GLI3: variants seen among roughly 807,000 people sequenced by gnomAD.
GLI3 encodes the protein GLI family zinc finger 3.
Under a neutral mutation model 100.8 loss-of-function variants are expected in GLI3, and 20 were observed. The ratio of observed to expected loss-of-function variants is 0.20; its 90% CI spans 0.14 to 0.29. The LOEUF is 0.29. GLI3 is among the 10% of genes least tolerant of loss of function. GLI3 has a pLI of 1.00. For missense variants in GLI3, 2,040 were observed against 2,128.5 expected (o/e 0.96, Z 0.82); for synonymous variants, 938 against 860.5 (o/e 1.09, Z -1.58).
chr7:42,184,135 G>A (rs191970998), intron 2 of GLI3, among the ~76,000 whole-genome samples: 3 of 152,318 alleles, frequency 2.0e-5, no homozygotes, highest in Admixed American at 6.5e-5. Context: ...TCTCTAGGAG[G>A]TGCCCTCTCT....
rs1421975395 is a variant in GLI3 at position 41,964,218 on chromosome 7, A to G, written c.*112T>C. ...AATTGAAACACATCTCAGTTAGGTG[A>G]GATGAGATTGCTAAAATACATACAG... On this transcript the variant is annotated 3_prime_UTR_variant, in exon 15 of 15. Transcript: ENST00000395925. The G allele has an allele frequency of 4.8e-6, 4 of 828,380 alleles. No individual in the cohort carries two copies. The highest frequency in any genetic ancestry group is 1.7e-5 in the African/African-American group (1 of 59,022). 51.3% of individuals were successfully genotyped at this position (828,380 alleles called of 1,614,324 possible).
intron 3 of GLI3, among the ~76,000 whole-genome samples, chr7:42,081,371 C>G (rs1015131621): frequency 6.6e-6 from 1 of 152,202 alleles, no homozygotes; most frequent in Non-Finnish European, 1.5e-5. Flanking sequence ...TTACACTAAA[C>G]AGAGATTTGA....
intron 3 of GLI3, among the ~76,000 whole-genome samples, chr7:42,108,160 G>A (rs567166163): frequency 1.1e-4 from 16 of 152,294 alleles, no homozygotes; most frequent in African/African-American, 3.8e-4. Flanking sequence ...TCCTCCAGAT[G>A]CTTCCAAGGA....
chr7:42,157,753 C>T (rs1239259066), intron 2 of GLI3, among the ~76,000 whole-genome samples: 2 of 151,946 alleles, frequency 1.3e-5, no homozygotes, highest in Non-Finnish European at 2.9e-5. Context: ...CTATAATTAT[C>T]TAAAGAAGTT....
At chr7:42,063,381 A>T (rs1477774985) in intron 4 of GLI3, among the ~76,000 whole-genome samples, 2 of 152,172 alleles carry the variant, frequency 1.3e-5, no homozygotes, top group East Asian at 1.9e-4. Context: ...GATACCACTA[A>T]AAAAAGATAA....
chr7:42,237,484 G>A (rs1788834044), upstream of GLI3, among the ~76,000 whole-genome samples: 1 of 151,604 alleles, frequency 6.6e-6, no homozygotes, highest in Non-Finnish European at 1.5e-5. Context: ...ACCTGGCACC[G>A]CCTGCACTAC....
chr7:42,197,185 G>A (rs1219090771), intron 2 of GLI3, among the ~76,000 whole-genome samples: 2 of 152,182 alleles, frequency 1.3e-5, no homozygotes, highest in Non-Finnish European at 2.9e-5. Context: ...ACGTCATCAA[G>A]TTTAATCGGC....
In GLI3 at chr7:42,251,319, A is replaced by G. The variant is rs538810635; in HGVS notation, c.-43+12675T>C. Among the ~76,000 whole-genome samples, 176 of 152,326 alleles carry G rather than the reference A, an allele frequency of 1.2e-3. 2 individuals are homozygous for G. Among genetic ancestry groups the G allele is most frequent in the African/African-American group, 4.0e-3 (168 of 41,566 alleles). On this transcript the variant is annotated intron_variant, in intron 1 of 2. Transcript: ENST00000678978. ...GGCATTAGATTCTCACAAGCAGCACACAACCTAGATCCCTTGCAAACACAG... is the reference window on the plus strand; with the variant it reads ...GGCATTAGATTCTCACAAGCAGCACGCAACCTAGATCCCTTGCAAACACAG...
rs778860292 is a variant in GLI3, at chr7:41,972,550, T to C, written c.1890A>G (p.Thr630=). ...DPSSLRKHVK[T]VHGPEAHVTK... is the part of the protein sequence containing the mutation. ...TGACATGAGCCTCTGGGCCATGCAC[T>C]GTCTTCACATGTTTCCGGAGGGAGC... The change falls in exon 13 of 15, where the codon ACA becomes ACG. Residue 630 remains threonine, a synonymous_variant. Coordinates refer to ENST00000395925, the MANE Select transcript of GLI3 (RefSeq NM_000168.6). The surrounding 1 kb of genome is among the most constrained non-coding windows in gnomAD (Gnocchi z 4.4). 6.2e-7 allele frequency: 1 copy of C among 1,612,350 alleles called. No individual in the cohort carries two copies. The highest frequency in any genetic ancestry group is 8.5e-7 in the Non-Finnish European group (1 of 1,179,894).
In GLI3 at chr7:41,961,135, C is replaced by CT. The variant is rs1444662081; in HGVS notation, c.*3194dup. On this transcript the variant is annotated 3_prime_UTR_variant, in exon 15 of 15. Coordinates refer to ENST00000395925, the MANE Select transcript of GLI3 (RefSeq NM_000168.6). ...CGAGGAACGCCTGGGCCAGTCACAT[C>CT]TGAACGCTATGCCTACAATACTTAA... 1 of 152,530 alleles carries CT rather than the reference C, an allele frequency of 6.6e-6. No individual in the cohort carries two copies. The highest frequency in any genetic ancestry group is 1.5e-5 in the Non-Finnish European group (1 of 68,034). The allele number at this position is 152,530 out of a possible 1,614,324, so 9.4% of individuals were successfully genotyped here. A position where few individuals can be genotyped will look rare whatever the true frequency, so the allele number is the denominator to read the frequency against.
At chr7:42,158,954 C>T (rs1787068371) in intron 2 of GLI3, among the ~76,000 whole-genome samples, 1 of 152,166 alleles carries the variant, frequency 6.6e-6, no homozygotes, top group South Asian at 2.1e-4. Flanking sequence ...CATTCTACTT[C>T]TGTTGTCGCT....
At chr7:42,252,347 G>A (rs2128710536) in intron 1 of GLI3, among the ~76,000 whole-genome samples, 1 of 152,280 alleles carries the variant, frequency 6.6e-6, no homozygotes, top group Admixed American at 6.5e-5. Context: ...ACTTGAGGGT[G>A]TTGGGCGGGA....
chr7:42,170,153 G>A (rs925617937), intron 2 of GLI3, among the ~76,000 whole-genome samples: 1 of 150,524 alleles, frequency 6.6e-6, no homozygotes, highest in African/African-American at 2.4e-5. Context: ...TCAGGAGGCT[G>A]AGGCACGAGA....
chr7:42,237,556 C>T (rs1203492945), upstream of GLI3, among the ~76,000 whole-genome samples: 1 of 151,830 alleles, frequency 6.6e-6, no homozygotes, highest in African/African-American at 2.4e-5. Context: ...CCCTCCTTCC[C>T]TTCTCTCCTC....
chr7:42,077,182 G>A (rs1207985389), intron 3 of GLI3, among the ~76,000 whole-genome samples: 1 of 152,106 alleles, frequency 6.6e-6, no homozygotes. Flanking sequence ...GCTGAAGGGA[G>A]CCACAAAGCC....
intron 3 of GLI3, among the ~76,000 whole-genome samples, chr7:42,132,322 G>A (rs747139274): frequency 1.7e-4 from 26 of 151,968 alleles, no homozygotes; most frequent in Non-Finnish European, 2.2e-4. Flanking sequence ...GGATGGTCTC[G>A]ATCTCCTGAC....
chr7:42,263,433 T>C (rs1016911259), intron 1 of GLI3, among the ~76,000 whole-genome samples: 68 of 140,846 alleles, frequency 4.8e-4, no homozygotes, highest in Middle Eastern at 3.6e-3. Flanking sequence ...ATAAACATCT[T>C]CTTACCTTAT....
chr7:42,242,850 A>C (rs2128709200), upstream of GLI3, among the ~76,000 whole-genome samples: 1 of 152,252 alleles, frequency 6.6e-6, no homozygotes, highest in East Asian at 1.9e-4. Context: ...GGTGAATACA[A>C]CCTCCTCTAT....
Position 42,048,659 on chromosome 7 carries a change from G to A in GLI3, c.511C>T (p.Leu171=), listed in dbSNP as rs776770597. 1 of 1,610,494 alleles carries A rather than the reference G, an allele frequency of 6.2e-7. No individual in the cohort carries two copies. Among genetic ancestry groups the A allele is most frequent in the South Asian group, 1.1e-5 (1 of 90,790 alleles). ...ALSSSPTYPD[L]PFIRISPHRN... ...TGTGGGGAGATCCTAATGAAGGGCA[G>A]GTCCGGATACGTAGGGCTACTAGAT... The change falls in exon 5 of 15, where the codon CTG becomes TTG. Residue 171 remains leucine, a synonymous_variant. Transcript: ENST00000395925.
Sources: allele counts gnomAD v4.1 joint callset (sites outside exome capture counted in the v4.1 genomes callset), GRCh38; gene constraint gnomAD v4.1.1; non-coding constraint Gnocchi (gnomAD v3.1); transcripts MANE v1.5; gene names NCBI Gene and HGNC (gene_info 2026-07-23, HGNC 2026-07-21).